Variants in UBIAD1 observed in about 807,000 individuals in gnomAD.
The protein encoded by UBIAD1 is UbiA prenyltransferase domain containing 1.
Under a neutral mutation model 20.1 loss-of-function variants are expected in UBIAD1, and 12 were observed. The observed-to-expected ratio is 0.60, with a 90% confidence interval of 0.38 to 0.97. The LOEUF (loss-of-function observed/expected upper bound fraction) is 0.97, where lower values mean the gene tolerates loss of function less well. Among genes scored for constraint, UBIAD1 ranks in the 50% least tolerant of loss-of-function variants. UBIAD1 has a pLI of 0.00. For synonymous variants in UBIAD1, 207 were observed against 189.2 expected, an observed-to-expected ratio of 1.09 and a Z score of -0.77; for missense variants, 333 against 419.5, an observed-to-expected ratio of 0.79 and a Z score of 1.80.
At position 11,286,161 on chromosome 1, in the gene UBIAD1, C is replaced by T; in HGVS notation, c.*30C>T. The T allele has an allele frequency of 1.2e-6, 2 of 1,614,010 alleles. No individual in the cohort carries two copies. Among genetic ancestry groups the T allele is most frequent in the Non-Finnish European group, 1.7e-6 (2 of 1,179,950 alleles). On this transcript the variant is annotated 3_prime_UTR_variant, in exon 2 of 2. Transcript: ENST00000376810. The stretch of plus-strand genomic sequence containing the variant: ...ACAAGTAGCTCCCCCCACGACATGT[C>T]TCCCTTTCTTAGAATATATTAAAGT...
chr1:11,297,234 G>A (rs146610143), downstream of UBIAD1, among the ~76,000 whole-genome samples: 3 of 152,290 alleles, frequency 2.0e-5, no homozygotes, highest in East Asian at 5.8e-4. Flanking sequence ...GAGGTGATTA[G>A]GTCACGAGAG....
rs1638272198 is a variant in UBIAD1, at chr1:11,286,917, A to G, written c.*786A>G. 1 of 152,452 alleles carries G rather than the reference A, an allele frequency of 6.6e-6. No homozygotes were observed. The highest frequency in any genetic ancestry group is 2.1e-4 in the South Asian group (1 of 4,846). The allele number at this position is 152,452 out of a possible 1,614,324, so 9.4% of individuals were successfully genotyped here. On this transcript the variant is annotated 3_prime_UTR_variant, in exon 2 of 2. Coordinates refer to ENST00000376810, the MANE Select transcript of UBIAD1 (RefSeq NM_013319.3). ...TACTAGAGTGACAGGAAGGACTCCCAGCCCTTTCAGTAACTATCAGGAGCC... is the reference window on the plus strand; with the variant it reads ...TACTAGAGTGACAGGAAGGACTCCCGGCCCTTTCAGTAACTATCAGGAGCC...
Position 11,286,242 on chromosome 1 carries a change from G to A in UBIAD1, c.*111G>A. ...CAGTCAGGGTACTAAGCATGGGTGG[G>A]AACTCCTGCCTTATAAAAATTGTTT... On this transcript the variant is annotated 3_prime_UTR_variant, in exon 2 of 2. Coordinates refer to ENST00000376810, the MANE Select transcript of UBIAD1 (RefSeq NM_013319.3). The A allele has an allele frequency of 1.4e-6, 2 of 1,390,318 alleles. No homozygotes were observed. The highest frequency in any genetic ancestry group is 2.0e-6 in the Non-Finnish European group (2 of 993,086). The allele number at this position is 1,390,318 out of a possible 1,614,324, so 86.1% of individuals were successfully genotyped here. A position where few individuals can be genotyped will look rare whatever the true frequency, so the allele number is the denominator to read the frequency against.
chr1:11,281,475 A>G (rs1456585435), intron 1 of UBIAD1, among the ~76,000 whole-genome samples: 2 of 152,214 alleles, frequency 1.3e-5, no homozygotes, highest in East Asian at 3.8e-4. Context: ...CTTAGTAAAT[A>G]TCCAGTGAAC....
At chr1:11,292,483 C>T (rs1188175821), downstream of UBIAD1, among the ~76,000 whole-genome samples, 1 of 152,064 alleles carries the variant, frequency 6.6e-6, no homozygotes, top group Non-Finnish European at 1.5e-5. Flanking sequence ...CTCTAAGGGT[C>T]TTCCAATCCT....
downstream of UBIAD1, chr1:11,295,338 C>T (rs564825294): frequency 3.2e-5 from 6 of 188,634 alleles, no homozygotes; most frequent in African/African-American, 1.2e-4. Flanking sequence ...CTGTTGCTGC[C>T]TGAGAGAGTA....
At chr1:11,296,767 G>A (rs576980757), downstream of UBIAD1, among the ~76,000 whole-genome samples, 16 of 152,228 alleles carry the variant, frequency 1.1e-4, no homozygotes, top group South Asian at 8.3e-4. Flanking sequence ...CAATCCGCCC[G>A]CCTCAGCCTC....
chr1:11,279,953 G>A (rs1270332727), intron 1 of UBIAD1, among the ~76,000 whole-genome samples: 3 of 152,164 alleles, frequency 2.0e-5, no homozygotes, highest in African/African-American at 7.2e-5. Flanking sequence ...ACAGGTAAAG[G>A]GGATGTGAGC....
downstream of UBIAD1, among the ~76,000 whole-genome samples, chr1:11,290,715 A>G (rs1326202288): frequency 6.6e-6 from 1 of 152,192 alleles, no homozygotes; most frequent in Non-Finnish European, 1.5e-5. Flanking sequence ...GTGGTGGCTT[A>G]CGCCTGTAAT....
chr1:11,294,122 T>A (rs1360214573), intron 1 of UBIAD1, among the ~76,000 whole-genome samples: 3 of 152,172 alleles, frequency 2.0e-5, no homozygotes, highest in Non-Finnish European at 4.4e-5. Flanking sequence ...CCAGGCACTG[T>A]TCTGATGCTT....
rs1279572687 is a variant in UBIAD1, at chr1:11,278,990, G to T, written c.529+4930G>T. 3 of 173,338 alleles carry T rather than the reference G, an allele frequency of 1.7e-5. No individual in the cohort carries two copies. In the East Asian group the frequency reaches 4.3e-4, roughly 25 times the overall value. 10.7% of individuals were successfully genotyped at this position (173,338 alleles called of 1,614,324 possible). ...TGTGATTCTCCTGCCTCAGCTTCCCGAGTAGCTGGGATTACAGGTGCACAC... is the reference window on the plus strand; with the variant it reads ...TGTGATTCTCCTGCCTCAGCTTCCCTAGTAGCTGGGATTACAGGTGCACAC... On this transcript the variant is annotated intron_variant, in intron 1 of 1. Coordinates refer to ENST00000376810, the MANE Select transcript of UBIAD1 (RefSeq NM_013319.3).
At chr1:11,277,534 A>G (rs181712495) in intron 1 of UBIAD1, among the ~76,000 whole-genome samples, 7 of 152,180 alleles carry the variant, frequency 4.6e-5, no homozygotes, top group Admixed American at 1.3e-4. Flanking sequence ...TTGGCCTCCT[A>G]AAGTGCTGGG....
chr1:11,286,002 T>G lies in UBIAD1; in HGVS notation c.888T>G (p.Leu296=). 1 of 1,614,170 alleles carries G rather than the reference T, an allele frequency of 6.2e-7. No homozygotes were observed. The highest frequency in any genetic ancestry group is 8.5e-7 in the Non-Finnish European group (1 of 1,180,022). ...TTACCATTCCCATGGCCTTCTCCCT[T>G]GAGAGACAGTTTCGAAGCCAGGCCT... ...PLLTIPMAFS[L]ERQFRSQAFN... is the part of the protein sequence containing the mutation. Residue 296 remains leucine (L), a synonymous_variant, in exon 2 of 2, where the codon CTT becomes CTG. Transcript: ENST00000376810.
Position 11,273,961 on chromosome 1 carries a change from G to C in UBIAD1, c.430G>C (p.Val144Leu), listed in dbSNP as rs762840240. Residue 144 changes from valine to leucine, a missense_variant, in exon 1 of 2, where the codon GTC (valine) becomes CTC (leucine). By Grantham distance (32) the Val-to-Leu change is conservative. Coordinates refer to ENST00000376810, the MANE Select transcript of UBIAD1 (RefSeq NM_013319.3). This position sits in a 1 kb window ranked among gnomAD's most constrained non-coding sequence, Gnocchi z 4.9. ...FGVFLYTLGC[V>L]CAACLYYLSP... Reference sequence around the variant, plus strand: ...AGTCTTCCTCTACACGTTGGGCTGCGTCTGTGCCGCTTGCCTCTACTACCT... The same window carrying C: ...AGTCTTCCTCTACACGTTGGGCTGCCTCTGTGCCGCTTGCCTCTACTACCT... 3.7e-5 allele frequency: 60 copies of C among 1,614,090 alleles called. No individual in the cohort carries two copies. The East Asian group carries it at 1.3e-3, about 35-fold the overall frequency.
At chr1:11,288,928 C>A (rs1031169857), downstream of UBIAD1, among the ~76,000 whole-genome samples, 216 of 151,528 alleles carry the variant, frequency 1.4e-3, 1 homozygote, top group African/African-American at 4.3e-3. Context: ...AAAAACAAAA[C>A]AAAAAACGTT....
downstream of UBIAD1, among the ~76,000 whole-genome samples, chr1:11,289,906 A>G (rs984402218): frequency 2.6e-5 from 4 of 151,948 alleles, no homozygotes; most frequent in African/African-American, 9.7e-5. Flanking sequence ...AATTTTTTGT[A>G]TTTTTAGTAG....
downstream of UBIAD1, among the ~76,000 whole-genome samples, chr1:11,299,388 A>T (rs933775144): frequency 6.6e-6 from 1 of 152,158 alleles, no homozygotes; most frequent in East Asian, 1.9e-4. Flanking sequence ...CGGGATCACA[A>T]CCACCGCACA....
intron 1 of UBIAD1, among the ~76,000 whole-genome samples, chr1:11,277,965 T>G (rs1301927704): frequency 6.6e-6 from 1 of 152,106 alleles, no homozygotes; most frequent in Non-Finnish European, 1.5e-5. Flanking sequence ...TTTCCTTTCC[T>G]TTTTTGTTTG....
Position 11,273,404 on chromosome 1 carries a change from C to T in UBIAD1, c.-128C>T, listed in dbSNP as rs1337226632. The T allele has an allele frequency of 3.2e-6, 4 of 1,233,816 alleles. No individual in the cohort carries two copies. The Admixed American group carries it at 7.9e-5, about 24-fold the overall frequency. 76.4% of individuals were successfully genotyped at this position (1,233,816 alleles called of 1,614,324 possible). ...GTTGCCCCCGGACCTTGCCGCCACA[C>T]CAGCCCTGTCCTGGGGCGGAACCGA... On this transcript the variant is annotated 5_prime_UTR_variant, in exon 1 of 2. Transcript: ENST00000376810. This position sits in a 1 kb window ranked among gnomAD's most constrained non-coding sequence, Gnocchi z 4.9.
Sources: gnomAD v4.1 joint callset for allele counts (sites outside exome capture counted in the v4.1 genomes callset) on GRCh38, gnomAD v4.1.1 for gene constraint, Gnocchi (gnomAD v3.1) non-coding constraint, MANE v1.5 for transcripts, NCBI Gene and HGNC (gene_info 2026-07-23, HGNC 2026-07-21) for gene names.